Variants in ZNF366 observed in about 807,000 individuals in gnomAD.
ZNF366 encodes the protein dendritic cell-specific transcript protein.
Under a neutral mutation model 47.2 loss-of-function variants are expected in ZNF366, and 20 were observed. The observed-to-expected ratio is 0.42, with a 90% CI of 0.30 to 0.62. The LOEUF (loss-of-function observed/expected upper bound fraction) is 0.62, where lower values mean the gene tolerates loss of function less well. Ranked by LOEUF, ZNF366 falls within the 20% of genes least tolerant of loss-of-function variation. ZNF366 has a pLI of 0.16. For missense variants in ZNF366, 987 were observed against 976.3 expected, an observed-to-expected ratio of 1.01 and a Z score of -0.15; for synonymous variants, 421 against 395.1, an observed-to-expected ratio of 1.07 and a Z score of -0.78.
At chr5:72,496,892 TG>T (rs1269177004) in intron 1 of ZNF366, among the ~76,000 whole-genome samples, 1 of 152,214 alleles carries the variant, frequency 6.6e-6, no homozygotes, top group African/African-American at 2.4e-5. Context: ...CTAACAATAT[TG>T]TATATCTTTG....
At chr5:72,486,360 G>T (rs1283673586) in intron 1 of ZNF366, among the ~76,000 whole-genome samples, 1 of 152,174 alleles carries the variant, frequency 6.6e-6, no homozygotes, top group East Asian at 1.9e-4. Context: ...AGGAGACTTG[G>T]AGGCTCCTTG....
At chr5:72,489,141 C>T (rs1743954433) in intron 1 of ZNF366, among the ~76,000 whole-genome samples, 1 of 151,626 alleles carries the variant, frequency 6.6e-6, no homozygotes, top group Admixed American at 6.6e-5. Flanking sequence ...TTTGGGAGGC[C>T]AAGGTGGGTG....
chr5:72,495,295 C>G (rs1744091604), intron 1 of ZNF366, among the ~76,000 whole-genome samples: 1 of 152,174 alleles, frequency 6.6e-6, no homozygotes, highest in African/African-American at 2.4e-5. Context: ...TTGAATATTA[C>G]TAATTACATG....
At chr5:72,467,014 T>G (rs567362353) in intron 1 of ZNF366, among the ~76,000 whole-genome samples, 10 of 152,320 alleles carry the variant, frequency 6.6e-5, no homozygotes, top group Middle Eastern at 3.4e-3. Context: ...GAAAGACTCC[T>G]GGACTGAGAA....
intron 3 of ZNF366, among the ~76,000 whole-genome samples, chr5:72,449,420 G>A (rs1055884517): frequency 1.3e-5 from 2 of 152,146 alleles, no homozygotes; most frequent in African/African-American, 4.8e-5. Context: ...TTTTAGTAGA[G>A]ATGGGGATCT....
intron 1 of ZNF366, among the ~76,000 whole-genome samples, chr5:72,476,801 G>A (rs1743682091): frequency 6.6e-6 from 1 of 152,202 alleles, no homozygotes; most frequent in Non-Finnish European, 1.5e-5. Flanking sequence ...GCCACTTGGT[G>A]AGAAGCTGGG....
intron 1 of ZNF366, among the ~76,000 whole-genome samples, chr5:72,462,554 T>TCTTTCTTTCTTTCTTCC (rs1743345075): frequency 6.9e-6 from 1 of 145,846 alleles, no homozygotes; most frequent in Admixed American, 6.8e-5. Context: ...TTTCTTTTTT[T>TCTTTCTTTCTTTCTTCC]TTTTTTTTGG....
At chr5:72,480,124 A>T (rs1743762983) in intron 1 of ZNF366, among the ~76,000 whole-genome samples, 1 of 152,242 alleles carries the variant, frequency 6.6e-6, no homozygotes, top group African/African-American at 2.4e-5. Flanking sequence ...CTTCATGAAT[A>T]GAGACTAAAA....
At chr5:72,499,821 A>G (rs1744178504) in intron 1 of ZNF366, among the ~76,000 whole-genome samples, 1 of 152,164 alleles carries the variant, frequency 6.6e-6, no homozygotes. Flanking sequence ...TTTCCATGGA[A>G]GGTGGCCAGA....
At chr5:72,499,479 CTTTTT>C (rs894702691) in intron 1 of ZNF366, among the ~76,000 whole-genome samples, 20 of 112,182 alleles carry the variant, frequency 1.8e-4, no homozygotes, top group African/African-American at 6.1e-4. Context: ...GGAATCCTGC[CTTTTT>C]TTTTTTTTTT....
At chr5:72,502,399 T>A (rs905251601) in intron 1 of ZNF366, among the ~76,000 whole-genome samples, 1 of 152,250 alleles carries the variant, frequency 6.6e-6, no homozygotes, top group African/African-American at 2.4e-5. Flanking sequence ...TTATTTGCTG[T>A]CTCTATGTTC....
chr5:72,462,464 A>G (rs1481544885), intron 1 of ZNF366, among the ~76,000 whole-genome samples: 1 of 151,370 alleles, frequency 6.6e-6, no homozygotes. Flanking sequence ...TGGTGGGACT[A>G]GAGTCTGAAC....
chr5:72,469,203 A>C (rs1743494600), intron 1 of ZNF366, among the ~76,000 whole-genome samples: 1 of 152,198 alleles, frequency 6.6e-6, no homozygotes, highest in Non-Finnish European at 1.5e-5. Flanking sequence ...GAAGGAGCCT[A>C]TTTTAAAAGC....
At chr5:72,451,277 A>G (rs1743065239) in intron 3 of ZNF366, among the ~76,000 whole-genome samples, 1 of 152,280 alleles carries the variant, frequency 6.6e-6, no homozygotes, top group Non-Finnish European at 1.5e-5. Context: ...GTGTCTTGAC[A>G]TGAAATCTCA....
chr5:72,488,828 T>C (rs985311085), intron 1 of ZNF366, among the ~76,000 whole-genome samples: 5 of 152,196 alleles, frequency 3.3e-5, no homozygotes, highest in Non-Finnish European at 4.4e-5. Flanking sequence ...GAAGCTGACA[T>C]CACAAAACCT....
intron 3 of ZNF366, among the ~76,000 whole-genome samples, chr5:72,449,009 C>A (rs555394893): frequency 1.3e-5 from 2 of 152,262 alleles, no homozygotes; most frequent in East Asian, 3.9e-4. Flanking sequence ...AGACAGAGCA[C>A]CTGCACACCA....
chr5:72,470,900 A>C (rs1245453522), intron 1 of ZNF366, among the ~76,000 whole-genome samples: 1 of 152,210 alleles, frequency 6.6e-6, no homozygotes, highest in South Asian at 2.1e-4. Flanking sequence ...TTGGCCAATG[A>C]GTGGCATGTT....
chr5:72,502,517 C>G (rs993841779), intron 1 of ZNF366, among the ~76,000 whole-genome samples: 13 of 152,028 alleles, frequency 8.6e-5, no homozygotes, highest in Non-Finnish European at 1.5e-4. Flanking sequence ...AAATTTAGAA[C>G]AACTTTTTCT....
chr5:72,504,069 ACGCACACACACATGCGCG>A (rs1009706991), intron 1 of ZNF366, among the ~76,000 whole-genome samples: 2 of 151,906 alleles, frequency 1.3e-5, no homozygotes, highest in African/African-American at 2.4e-5. Flanking sequence ...GCACACACGC[ACGCACACACACATGCGCG>A]CGCACACACG....
Sources: gnomAD v4.1 joint callset for allele counts (sites outside exome capture counted in the v4.1 genomes callset) on GRCh38, gnomAD v4.1.1 for gene constraint, MANE v1.5 for transcripts, NCBI Gene and HGNC (gene_info 2026-07-23, HGNC 2026-07-21) for gene names.